Variants in PLSCR4 observed in about 807,000 individuals in gnomAD.
PLSCR4 encodes Ca(2+)-dependent phospholipid scramblase 4.
Under a neutral mutation model 36.3 loss-of-function variants are expected in PLSCR4, and 25 were observed. The ratio of observed to expected loss-of-function variants is 0.69; its 90% CI spans 0.50 to 0.96. The LOEUF (loss-of-function observed/expected upper bound fraction) is 0.96. Ranked by LOEUF, PLSCR4 falls within the 40% of genes least tolerant of loss-of-function variation. The probability of loss-of-function intolerance (pLI) is 0.00; values close to 1 mark genes in which losing one functional copy is unlikely to be tolerated. For synonymous variants in PLSCR4, 122 were observed against 132.9 expected, an observed-to-expected ratio of 0.92 and a Z score of 0.56; for missense variants, 408 against 414.7, an observed-to-expected ratio of 0.98 and a Z score of 0.14.
chr3:146,217,684 C>T (rs570108101), intron 3 of PLSCR4, among the ~76,000 whole-genome samples: 126 of 152,262 alleles, frequency 8.3e-4, no homozygotes, highest in Admixed American at 1.8e-3. Context: ...TCTCAAGTTT[C>T]TGGCTTGGGA....
At chr3:146,228,905 T>C (rs1408693959) in intron 1 of PLSCR4, among the ~76,000 whole-genome samples, 2 of 152,088 alleles carry the variant, frequency 1.3e-5, no homozygotes, top group African/African-American at 4.8e-5. Flanking sequence ...ATGTTTAAAT[T>C]TTATAAACCC....
At chr3:146,210,144 C>G (rs1486468257) in intron 3 of PLSCR4, among the ~76,000 whole-genome samples, 1 of 151,982 alleles carries the variant, frequency 6.6e-6, no homozygotes, top group African/African-American at 2.4e-5. Flanking sequence ...AATGTAAATG[C>G]TAATATAAAT....
intron 1 of PLSCR4, among the ~76,000 whole-genome samples, chr3:146,246,948 A>G (rs1438541253): frequency 6.6e-6 from 1 of 152,196 alleles, no homozygotes; most frequent in African/African-American, 2.4e-5. Context: ...AACCACAGAC[A>G]TTAGATTTTT....
intron 3 of PLSCR4, among the ~76,000 whole-genome samples, chr3:146,216,447 GA>G (rs200031134): frequency 3.9e-5 from 6 of 152,006 alleles, no homozygotes; most frequent in East Asian, 3.9e-4. Context: ...AAAATAAAAA[GA>G]AAGATAATAA....
At chr3:146,195,644 A>G (rs2108199661) in intron 7 of PLSCR4, among the ~76,000 whole-genome samples, 1 of 152,310 alleles carries the variant, frequency 6.6e-6, no homozygotes. Context: ...AAAAACCGGG[A>G]AACAAGTACT....
rs1248261172 is a variant in PLSCR4 at position 146,192,985 on chromosome 3, C to G, written c.*1426G>C. On this transcript the variant is annotated 3_prime_UTR_variant, in exon 9 of 9. Transcript: ENST00000354952. ...CTCAGAATAACCCCATCTAAGAACA[C>G]TCAGGCTTTCTTTATTTAATAAGCA... 6.6e-6 allele frequency: 1 copy of G among 151,942 alleles called. No individual in the cohort carries two copies. Among genetic ancestry groups the G allele is most frequent in the Admixed American group, 6.6e-5 (1 of 15,258 alleles). 9.4% of individuals were successfully genotyped at this position (151,942 alleles called of 1,614,324 possible). A position where few individuals can be genotyped will look rare whatever the true frequency, so the allele number is the denominator to read the frequency against.
At chr3:146,249,652 T>C (rs2036473746) in intron 1 of PLSCR4, among the ~76,000 whole-genome samples, 1 of 150,614 alleles carries the variant, frequency 6.6e-6, no homozygotes, top group Non-Finnish European at 1.5e-5. Flanking sequence ...TTATATATTT[T>C]GTATTTTATT....
At chr3:146,227,213 A>G (rs768359182) in intron 1 of PLSCR4, among the ~76,000 whole-genome samples, 40 of 152,216 alleles carry the variant, frequency 2.6e-4, no homozygotes, top group Non-Finnish European at 5.6e-4. Context: ...CTGTGTCTCC[A>G]TAACAGGTTA....
intron 1 of PLSCR4, chr3:146,223,916 A>G (rs1312357766): frequency 6.8e-6 from 1 of 147,152 alleles, no homozygotes; most frequent in Non-Finnish European, 1.5e-5. Flanking sequence ...ATTAATATTT[A>G]AATATAAAAT....
intron 1 of PLSCR4, among the ~76,000 whole-genome samples, chr3:146,227,292 G>T (rs1476579679): frequency 6.6e-6 from 1 of 152,134 alleles, no homozygotes; most frequent in African/African-American, 2.4e-5. Context: ...TATGCATACA[G>T]GGGAATCTGG....
intron 4 of PLSCR4, among the ~76,000 whole-genome samples, chr3:146,205,058 C>G (rs540754918): frequency 6.6e-6 from 1 of 151,938 alleles, no homozygotes. Context: ...TGTCAATATA[C>G]AGAATTGAAA....
At chr3:146,210,849 T>A in intron 3 of PLSCR4, among the ~76,000 whole-genome samples, 1 of 57,908 alleles carries the variant, frequency 1.7e-5, no homozygotes, top group South Asian at 8.8e-4. Context: ...TTATGTCTGT[T>A]TTTTTTTTTA....
rs142483576 is a variant in PLSCR4 at position 146,250,012 on chromosome 3, T to G, written c.-22+948A>C. 1.6e-3 allele frequency among the ~76,000 whole-genome samples: 245 copies of G among 152,288 alleles called. 1 individual carries two copies. Among genetic ancestry groups the G allele is most frequent in the Admixed American group, 0.012 (191 of 15,302 alleles). Reference sequence around the variant, plus strand: ...AATTCACTTATGCTTCCCATCAAATTTCAGTGTTTCCTATGGACATTAAGG... The same window carrying G: ...AATTCACTTATGCTTCCCATCAAATGTCAGTGTTTCCTATGGACATTAAGG... On this transcript the variant is annotated intron_variant, in intron 1 of 8. Transcript: ENST00000354952.
intron 2 of PLSCR4, among the ~76,000 whole-genome samples, chr3:146,221,589 G>C (rs376955825): frequency 6.7e-6 from 1 of 149,628 alleles, no homozygotes; most frequent in African/African-American, 2.4e-5. Flanking sequence ...ACAAAAAAAA[G>C]CTGAGTTTCC....
intron 6 of PLSCR4, 29 bp from the exon 7 acceptor site, chr3:146,196,822 G>A (rs2033771820): frequency 6.2e-7 from 1 of 1,605,054 alleles, no homozygotes; most frequent in South Asian, 1.1e-5. Context: ...CAGAAGTTAG[G>A]ATGCTACATG....
intron 1 of PLSCR4, among the ~76,000 whole-genome samples, chr3:146,242,154 A>G (rs1164563781): frequency 6.6e-6 from 1 of 152,192 alleles, no homozygotes; most frequent in Non-Finnish European, 1.5e-5. Flanking sequence ...TGATTTATGT[A>G]CGTCACTTCT....
intron 3 of PLSCR4, among the ~76,000 whole-genome samples, chr3:146,209,122 G>A (rs1467849735): frequency 2.0e-5 from 3 of 152,086 alleles, no homozygotes; most frequent in Non-Finnish European, 4.4e-5. Context: ...ACCTGGATGC[G>A]ATTGGAGACT....
Position 146,223,082 on chromosome 3 carries a change from G to T in PLSCR4, c.-21-990C>A, listed in dbSNP as rs868821343. Among the ~76,000 whole-genome samples the T allele has an allele frequency of 2.4e-4, 28 of 116,372 alleles. No homozygotes were observed. In the Middle Eastern group the frequency reaches 0.013, roughly 55 times the overall value. 76.3% of individuals were successfully genotyped at this position (116,372 alleles called of 152,430 possible). On this transcript the variant is annotated intron_variant, in intron 1 of 8. Transcript: ENST00000354952. ...GTGGGGATGGAGGAGGGTAAGAATT[G>T]AAAGTTTAGACTGGGGCATGTTTAA...
At chr3:146,223,874 AT>A (rs1364108519) in intron 1 of PLSCR4, 3 of 59,790 alleles carry the variant, frequency 5.0e-5, no homozygotes, top group African/African-American at 1.4e-4. Context: ...TTTAATATAT[AT>A]TATATATTTT....
Sources: gnomAD v4.1 joint callset for allele counts (sites outside exome capture counted in the v4.1 genomes callset) on GRCh38, gnomAD v4.1.1 for gene constraint, MANE v1.5 for transcripts, NCBI Gene and HGNC (gene_info 2026-07-23, HGNC 2026-07-21) for gene names.